APP: variants seen among roughly 807,000 people sequenced by gnomAD.
The protein encoded by APP is amyloid-beta precursor protein.
Under a neutral mutation model 101.4 loss-of-function variants are expected in APP, and 31 were observed. The ratio of observed to expected loss-of-function variants is 0.31; its 90% CI spans 0.23 to 0.41. The LOEUF (loss-of-function observed/expected upper bound fraction) is 0.41, where lower values mean the gene tolerates loss of function less well. Ranked by LOEUF, APP falls within the 10% of genes least tolerant of loss-of-function variation. The probability of loss-of-function intolerance (pLI) is 1.00; values close to 1 mark genes in which losing one functional copy is unlikely to be tolerated. For synonymous variants in APP, 366 were observed against 364.4 expected, an observed-to-expected ratio of 1.00 and a Z score of -0.05; for missense variants, 839 against 1,003.7, an observed-to-expected ratio of 0.84 and a Z score of 2.22.
chr21:26,111,947 A>G (rs1408474832), intron 2 of APP, 32 bp downstream of exon 2: 1 of 1,613,138 alleles, frequency 6.2e-7, no homozygotes, highest in Non-Finnish European at 8.5e-7. Flanking sequence ...ATGTGATCCA[A>G]CGTGAATTGC....
At chr21:26,044,490 T>C (rs1441706527) in intron 5 of APP, among the ~76,000 whole-genome samples, 1 of 152,192 alleles carries the variant, frequency 6.6e-6, no homozygotes, top group South Asian at 2.1e-4. Flanking sequence ...ATATCCTAGA[T>C]GAATTTTCTC....
chr21:25,928,318 G>GCCT (rs2039988294), intron 13 of APP, among the ~76,000 whole-genome samples: 1 of 150,658 alleles, frequency 6.6e-6, no homozygotes, highest in African/African-American at 2.5e-5. Flanking sequence ...CTCCAGCCTG[G>GCCT]GCGACAGAGC....
At chr21:25,979,475 G>A (rs2042343183) in intron 9 of APP, among the ~76,000 whole-genome samples, 1 of 152,118 alleles carries the variant, frequency 6.6e-6, no homozygotes. Flanking sequence ...AAGTTGAAAA[G>A]TCCCTAGATT....
intron 5 of APP, among the ~76,000 whole-genome samples, chr21:26,044,199 T>C (rs544940556): frequency 6.6e-6 from 1 of 152,262 alleles, no homozygotes; most frequent in Non-Finnish European, 1.5e-5. Context: ...TGTTGAGGCA[T>C]GAGGATCACT....
intron 1 of APP, among the ~76,000 whole-genome samples, chr21:26,152,936 T>C (rs2063307862): frequency 6.6e-6 from 1 of 152,226 alleles, no homozygotes; most frequent in East Asian, 1.9e-4. Flanking sequence ...ATGTGGCATA[T>C]ATATATCAGG....
intron 1 of APP, among the ~76,000 whole-genome samples, chr21:26,121,141 A>C (rs149822307): frequency 0.012 from 1,829 of 152,332 alleles, 18 homozygotes; most frequent in Non-Finnish European, 0.018. Context: ...AGTCAGCACC[A>C]AACAAATCCC....
rs71183537 is a variant in APP, at chr21:25,986,758, CAAAT to C, written c.1091-4285_1091-4282del. Among the ~76,000 whole-genome samples the C allele has an allele frequency of 8.5e-4, 130 of 152,094 alleles. No individual in the cohort carries two copies. In the Middle Eastern group the frequency reaches 0.017, roughly 20 times the overall value. ...GGATTTCCATGTTGGCACTCCGTCTCAAATAAATAAATAAATAAAGGCTAGGATT... is the reference window on the plus strand; with the variant it reads ...GGATTTCCATGTTGGCACTCCGTCTCAAATAAATAAATAAAGGCTAGGATT... On this transcript the variant is annotated intron_variant, in intron 8 of 17. Coordinates refer to ENST00000346798, the MANE Select transcript of APP (RefSeq NM_000484.4).
At position 25,911,870 on chromosome 21, in the gene APP, T is replaced by C. The variant is rs1330429266; in HGVS notation, c.1780A>G (p.Met594Val). The change falls in exon 14 of 18, where the codon ATG (methionine) becomes GTG (valine). Residue 594 changes from methionine (M) to valine (V), a missense_variant. Physicochemically the swap from Met to Val is conservative, Grantham distance 21 (BLOSUM62 1). Transcript: ENST00000346798. ...GTTTTCGTTTCGGTCAAAGATGGCA[T>C]GAGAGCATCGTTTCCGTAACTGATC... ...PRISYGNDAL[M>V]PSLTETKTTV... 2.5e-6 allele frequency: 4 copies of C among 1,614,066 alleles called. No homozygotes were observed. The highest frequency in any genetic ancestry group is 3.4e-6 in the Non-Finnish European group (4 of 1,180,034).
intron 3 of APP, among the ~76,000 whole-genome samples, chr21:26,076,433 A>C (rs1253325813): frequency 6.6e-6 from 1 of 152,206 alleles, no homozygotes; most frequent in African/African-American, 2.4e-5. Context: ...TTCAGGGAAC[A>C]TGAGTCTAGT....
intron 1 of APP, among the ~76,000 whole-genome samples, chr21:26,124,224 A>C (rs1332843032): frequency 6.6e-6 from 1 of 152,212 alleles, no homozygotes; most frequent in Non-Finnish European, 1.5e-5. Context: ...CACTTTAGAT[A>C]CCTGTGAAAT....
At chr21:26,108,616 G>A (rs907407181) in intron 2 of APP, among the ~76,000 whole-genome samples, 9 of 120 alleles carry the variant, frequency 0.075, no homozygotes, top group African/African-American at 0.21. Context: ...GCCGGGTGCG[G>A]GTGGCTCACG....
At chr21:25,926,386 C>T (rs931867060) in intron 13 of APP, among the ~76,000 whole-genome samples, 17 of 152,128 alleles carry the variant, frequency 1.1e-4, no homozygotes, top group African/African-American at 3.1e-4. Context: ...TCTTTAAGGA[C>T]GGTAGGGATG....
At chr21:26,003,691 T>C (rs2043391185) in intron 6 of APP, among the ~76,000 whole-genome samples, 1 of 152,212 alleles carries the variant, frequency 6.6e-6, no homozygotes, top group South Asian at 2.1e-4. Flanking sequence ...TCTGCTGACA[T>C]GGAGGATGAG....
At chr21:26,129,197 G>A (rs1458081101) in intron 1 of APP, among the ~76,000 whole-genome samples, 1 of 152,146 alleles carries the variant, frequency 6.6e-6, no homozygotes, top group Non-Finnish European at 1.5e-5. Context: ...TCTTGGACAG[G>A]CACCATGGCT....
At chr21:25,910,143 T>A (rs912067028) in intron 14 of APP, among the ~76,000 whole-genome samples, 2 of 152,110 alleles carry the variant, frequency 1.3e-5, no homozygotes, top group African/African-American at 2.4e-5. Context: ...TTATTTTTTT[T>A]AAATTTAAAG....
chr21:25,938,954 G>A (rs149690924), intron 13 of APP, among the ~76,000 whole-genome samples: 269 of 152,220 alleles, frequency 1.8e-3, no homozygotes, highest in African/African-American at 6.1e-3. Context: ...CCTACAGAGG[G>A]CCCCCAGTTC....
At chr21:25,925,227 A>C (rs184532612) in intron 13 of APP, among the ~76,000 whole-genome samples, 2 of 146,992 alleles carry the variant, frequency 1.4e-5, no homozygotes, top group Admixed American at 1.4e-4. Context: ...TGAGAAACAG[A>C]TTTAATTTTC....
chr21:26,136,613 C>T (rs1233280087), intron 1 of APP, among the ~76,000 whole-genome samples: 1 of 152,014 alleles, frequency 6.6e-6, no homozygotes, highest in Non-Finnish European at 1.5e-5. Context: ...GTGTATTTAC[C>T]TTAGTCCACC....
chr21:26,109,270 C>A (rs1019464404), intron 2 of APP, among the ~76,000 whole-genome samples: 3 of 152,144 alleles, frequency 2.0e-5, no homozygotes, highest in Non-Finnish European at 2.9e-5. Flanking sequence ...ATTGTAATTC[C>A]CAGTGTTGGA....
Sources: allele counts gnomAD v4.1 joint callset (sites outside exome capture counted in the v4.1 genomes callset), GRCh38; gene constraint gnomAD v4.1.1; transcripts MANE v1.5; gene names NCBI Gene and HGNC (gene_info 2026-07-23, HGNC 2026-07-21).